Variants in TENM2 observed in about 807,000 individuals in gnomAD.
TENM2 encodes teneurin-2.
Under a neutral mutation model 245.2 loss-of-function variants are expected in TENM2, and 52 were observed. The ratio of observed to expected loss-of-function variants is 0.21; its 90% CI spans 0.17 to 0.27. The LOEUF (loss-of-function observed/expected upper bound fraction) is 0.27. Among genes scored for constraint, TENM2 ranks in the 10% least tolerant of loss-of-function variants. The pLI is 1.00. For synonymous variants in TENM2, 1,363 were observed against 1,438.9 expected (o/e 0.95, Z 1.19); for missense variants, 3,046 against 3,666.8 (o/e 0.83, Z 4.37).
At chr5:167,028,356 A>G in the TENM2 span, among the ~76,000 whole-genome samples, 1 of 152,106 alleles carries the variant, frequency 6.6e-6, no homozygotes, top group African/African-American at 2.4e-5. Flanking sequence ...AATCCCTAGT[A>G]TTGGAATTAA....
chr5:167,019,512 C>T, the TENM2 span, among the ~76,000 whole-genome samples: 2 of 151,924 alleles, frequency 1.3e-5, no homozygotes, highest in African/African-American at 4.8e-5. Context: ...GCTCTGTCGC[C>T]CAGGCTGGAG....
the TENM2 span, among the ~76,000 whole-genome samples, chr5:167,185,987 T>C: frequency 6.6e-6 from 1 of 152,190 alleles, no homozygotes; most frequent in Non-Finnish European, 1.5e-5. Context: ...CAGGGAAATT[T>C]TTTAGCAGAA....
intron 5 of TENM2, among the ~76,000 whole-genome samples, chr5:168,006,229 T>A (rs901449986): frequency 1.3e-5 from 2 of 151,982 alleles, no homozygotes; most frequent in Non-Finnish European, 2.9e-5. Context: ...GAAAAGAGCA[T>A]GTTGTGAGAG....
At chr5:167,863,154 C>G (rs1259497954) in intron 2 of TENM2, among the ~76,000 whole-genome samples, 2 of 152,196 alleles carry the variant, frequency 1.3e-5, no homozygotes, top group Non-Finnish European at 2.9e-5. Flanking sequence ...ATAATAGTAA[C>G]TGCTAGATGG....
intron 1 of TENM2, among the ~76,000 whole-genome samples, chr5:167,313,092 G>A (rs1756137443): frequency 1.3e-5 from 2 of 151,986 alleles, no homozygotes; most frequent in South Asian, 4.2e-4. Flanking sequence ...TAGTAGAGAC[G>A]GGGTTTCGAC....
At position 168,248,315 on chromosome 5, in the gene TENM2, T is replaced by C. The variant is rs761982192; in HGVS notation, c.7376T>C (p.Met2459Thr). 27 of 1,613,924 alleles carry C rather than the reference T, an allele frequency of 1.7e-5. No individual in the cohort carries two copies. In the East Asian group the frequency reaches 3.6e-4, roughly 21 times the overall value. ...GAGCCGGCCCCCTTTAACCTGTATA[T>C]GTTCAAGAGCAACAATCCTCTCAGC... The change falls in exon 27 of 29, where the codon ATG (methionine) becomes ACG (threonine). Residue 2459 changes from methionine (M) to threonine (T), a missense_variant. Transcript: ENST00000518659.
At chr5:168,236,741 A>C (rs1765455733) in intron 25 of TENM2, among the ~76,000 whole-genome samples, 1 of 151,352 alleles carries the variant, frequency 6.6e-6, no homozygotes, top group Non-Finnish European at 1.5e-5. Context: ...CAGTCCCAGT[A>C]ACAAACACAG....
the TENM2 span, among the ~76,000 whole-genome samples, chr5:167,036,542 G>T: frequency 1.3e-5 from 2 of 151,846 alleles, no homozygotes; most frequent in East Asian, 1.9e-4. Flanking sequence ...AAGTTATATC[G>T]TGGATTCTTA....
At chr5:167,607,909 G>A (rs1412530548) in intron 2 of TENM2, among the ~76,000 whole-genome samples, 1 of 151,996 alleles carries the variant, frequency 6.6e-6, no homozygotes, top group Non-Finnish European at 1.5e-5. Flanking sequence ...CATTGCTTTT[G>A]GTTCTTTTTA....
At chr5:167,682,984 C>A (rs887170982) in intron 2 of TENM2, among the ~76,000 whole-genome samples, 1 of 152,136 alleles carries the variant, frequency 6.6e-6, no homozygotes, top group Non-Finnish European at 1.5e-5. Context: ...TTTCTTTCCC[C>A]AGGAAAAACT....
At chr5:167,264,278 A>C in the TENM2 span, among the ~76,000 whole-genome samples, 2 of 152,168 alleles carry the variant, frequency 1.3e-5, no homozygotes, top group Non-Finnish European at 2.9e-5. Flanking sequence ...GTATTTGGCT[A>C]TGAAGCTAGT....
chr5:167,234,765 G>T, the TENM2 span, among the ~76,000 whole-genome samples: 1 of 152,104 alleles, frequency 6.6e-6, no homozygotes, highest in East Asian at 1.9e-4. Flanking sequence ...CCTCCATCAT[G>T]GGCAAAGAGA....
intron 19 of TENM2, among the ~76,000 whole-genome samples, chr5:168,211,101 C>T (rs1762771992): frequency 6.6e-6 from 1 of 152,076 alleles, no homozygotes; most frequent in East Asian, 1.9e-4. Context: ...GGGGTCCCAC[C>T]CCAAGTTAAA....
chr5:167,615,921 C>A (rs1052920897), intron 2 of TENM2, among the ~76,000 whole-genome samples: 2 of 151,940 alleles, frequency 1.3e-5, no homozygotes, highest in Non-Finnish European at 2.9e-5. Context: ...AACAAAAGGC[C>A]ATTAGATAGA....
At chr5:167,313,478 A>C (rs903908021) in intron 1 of TENM2, among the ~76,000 whole-genome samples, 1 of 152,184 alleles carries the variant, frequency 6.6e-6, no homozygotes, top group African/African-American at 2.4e-5. Flanking sequence ...TTCTACTAAA[A>C]ATACAAAAAT....
chr5:167,205,021 G>A, the TENM2 span, among the ~76,000 whole-genome samples: 1 of 152,182 alleles, frequency 6.6e-6, no homozygotes, highest in Non-Finnish European at 1.5e-5. Flanking sequence ...CTGGTTTAGT[G>A]TGATCATTAA....
chr5:167,779,801 A>C (rs977130347), intron 2 of TENM2, among the ~76,000 whole-genome samples: 6 of 152,202 alleles, frequency 3.9e-5, no homozygotes, highest in Non-Finnish European at 8.8e-5. Flanking sequence ...TCTCCTATGG[A>C]TACTGCTGAC....
chr5:167,259,597 A>G, the TENM2 span, among the ~76,000 whole-genome samples: 1 of 152,152 alleles, frequency 6.6e-6, no homozygotes, highest in Non-Finnish European at 1.5e-5. Context: ...TAAATGTTGA[A>G]ATCTTTGCAG....
the TENM2 span, chr5:167,164,956 T>C: frequency 1.3e-5 from 2 of 152,246 alleles, no homozygotes; most frequent in Non-Finnish European, 2.9e-5. Flanking sequence ...ATCACGATTA[T>C]GTATTTATTT....
Sources: allele counts gnomAD v4.1 joint callset (sites outside exome capture counted in the v4.1 genomes callset), GRCh38; gene constraint gnomAD v4.1.1; transcripts MANE v1.5; gene names NCBI Gene and HGNC (gene_info 2026-07-23, HGNC 2026-07-21).